CCDC158: variants seen among roughly 807,000 people sequenced by gnomAD.
CCDC158 encodes coiled-coil domain containing 158, also known as coiled-coil domain-containing protein 158.
A neutral mutation model predicts 138.6 loss-of-function variants in CCDC158; 116 were observed. The ratio of observed to expected loss-of-function variants is 0.84; its 90% CI spans 0.72 to 0.98. The LOEUF is 0.98. Among genes scored for constraint, CCDC158 ranks in the 50% least tolerant of loss-of-function variants. The pLI, the probability that CCDC158 is intolerant of heterozygous loss-of-function variation, is 0.00. For synonymous variants in CCDC158, 436 were observed against 442.4 expected, an observed-to-expected ratio of 0.99 and a Z score of 0.18; for missense variants, 1,265 against 1,306.1, an observed-to-expected ratio of 0.97 and a Z score of 0.48.
At chr4:76,420,577 C>G (rs1730033746) in intron 1 of CCDC158, among the ~76,000 whole-genome samples, 1 of 152,200 alleles carries the variant, frequency 6.6e-6, no homozygotes, top group Non-Finnish European at 1.5e-5. Context: ...AACACCATTC[C>G]GTCTTGGATG....
chr4:76,318,271 T>A (rs1457401766), intron 24 of CCDC158, among the ~76,000 whole-genome samples: 2 of 152,052 alleles, frequency 1.3e-5, no homozygotes, highest in Admixed American at 6.5e-5. Flanking sequence ...TTAGTGAGAT[T>A]AACCAAGAAA....
At chr4:76,340,303 CAA>C (rs1721930267) in intron 18 of CCDC158, among the ~76,000 whole-genome samples, 3 of 152,198 alleles carry the variant, frequency 2.0e-5, no homozygotes, top group Non-Finnish European at 4.4e-5. Flanking sequence ...TCTCAGCTTT[CAA>C]AAGAGTTTAA....
intron 4 of CCDC158, among the ~76,000 whole-genome samples, chr4:76,391,804 T>G (rs1442700683): frequency 6.6e-6 from 1 of 151,208 alleles, no homozygotes; most frequent in African/African-American, 2.4e-5. Flanking sequence ...AAGACCCAAA[T>G]AAATAAAATC....
intron 4 of CCDC158, among the ~76,000 whole-genome samples, chr4:76,393,078 A>T (rs932382593): frequency 4.6e-5 from 7 of 152,090 alleles, no homozygotes; most frequent in Admixed American, 2.6e-4. Context: ...TACAGATTCA[A>T]TGCAATCCCT....
At chr4:76,372,131 T>C (rs1209033089) in intron 9 of CCDC158, among the ~76,000 whole-genome samples, 3 of 152,154 alleles carry the variant, frequency 2.0e-5, no homozygotes, top group Admixed American at 6.5e-5. Context: ...TGTGAAGACA[T>C]GTTCTATAAT....
intron 17 of CCDC158, 73 bp from the exon 18 acceptor site, chr4:76,351,194 A>AT: frequency 7.0e-7 from 1 of 1,420,464 alleles, no homozygotes; most frequent in Non-Finnish European, 9.5e-7. Flanking sequence ...ATCAAAATGT[A>AT]TTTTTTGATT....
chr4:76,327,366 T>A (rs1161098294), intron 22 of CCDC158, among the ~76,000 whole-genome samples: 3 of 152,176 alleles, frequency 2.0e-5, no homozygotes, highest in Non-Finnish European at 4.4e-5. Flanking sequence ...ACAATGGGGA[T>A]ATGTTCTGAG....
intron 2 of CCDC158, among the ~76,000 whole-genome samples, chr4:76,408,135 T>C (rs1728982206): frequency 6.6e-6 from 1 of 150,874 alleles, no homozygotes; most frequent in Non-Finnish European, 1.5e-5. Flanking sequence ...ATAAGCAGTG[T>C]GCCCAGAGTA....
chr4:76,333,743 TTTGAGAATTAAAA>T (rs1225646581), intron 19 of CCDC158, among the ~76,000 whole-genome samples: 2 of 152,344 alleles, frequency 1.3e-5, no homozygotes, highest in South Asian at 2.1e-4. Flanking sequence ...TATAAAATCT[TTTGAGAATTAAAA>T]TTTACAAACA....
intron 4 of CCDC158, among the ~76,000 whole-genome samples, chr4:76,393,065 A>G (rs1043395891): frequency 1.3e-5 from 2 of 152,108 alleles, no homozygotes; most frequent in African/African-American, 4.8e-5. Flanking sequence ...ATCCAAAGCA[A>G]TCTACAGATT....
At chr4:76,338,952 C>T (rs541755253) in intron 18 of CCDC158, among the ~76,000 whole-genome samples, 22 of 152,226 alleles carry the variant, frequency 1.4e-4, no homozygotes, top group African/African-American at 5.1e-4. Context: ...AAGAAAGCTG[C>T]ATTGAAAAGA....
Position 76,369,215 on chromosome 4 carries a change from A to AAAATAAAT in CCDC158, c.1347+203_1347+210dup, listed in dbSNP as rs373989037. On this transcript the variant is annotated intron_variant, in intron 11 of 24. Transcript: ENST00000682701. ...GGGTGACAGAGGAAGACGCCATCTA[A>AAAATAAAT]AAATAAATAAATAAATAAATAAACA... 1.6e-3 allele frequency among the ~76,000 whole-genome samples: 238 copies of AAAATAAAT among 152,082 alleles called. 2 individuals are homozygous for AAAATAAAT. Among genetic ancestry groups the AAAATAAAT allele is most frequent in the African/African-American group, 5.4e-3 (225 of 41,352 alleles).
chr4:76,412,473 T>G (rs1384422393), intron 1 of CCDC158, among the ~76,000 whole-genome samples: 4 of 152,026 alleles, frequency 2.6e-5, no homozygotes, highest in Non-Finnish European at 5.9e-5. Context: ...AAAAATAGCC[T>G]ATAGTGGCCG....
At chr4:76,322,926 CT>C (rs1330491479) in intron 24 of CCDC158, among the ~76,000 whole-genome samples, 1 of 152,122 alleles carries the variant, frequency 6.6e-6, no homozygotes, top group African/African-American at 2.4e-5. Flanking sequence ...TGCTTTCTTG[CT>C]ATTGACTATA....
In CCDC158 at chr4:76,371,528, C is replaced by G; in HGVS notation, c.1038G>C (p.Glu346Asp). Residue 346 changes from glutamate to aspartate, a missense_variant, in exon 10 of 25, where the codon GAG becomes GAC. Transcript: ENST00000682701. The stretch of plus-strand genomic sequence containing the variant: ...TGGCAAGGACTAACTGCTTTTCCAG[C>G]TCTTCTGTCTGAAAGGAAAGTACAA... ...AKRMYEDKTE[E>D]LEKQLVLANS... The G allele has an allele frequency of 6.2e-7, 1 of 1,614,142 alleles. No homozygotes were observed. Among genetic ancestry groups the G allele is most frequent in the Non-Finnish European group, 8.5e-7 (1 of 1,180,002 alleles).
intron 4 of CCDC158, among the ~76,000 whole-genome samples, chr4:76,387,031 C>T (rs1726861623): frequency 6.6e-6 from 1 of 152,256 alleles, no homozygotes; most frequent in East Asian, 1.9e-4. Flanking sequence ...ATTCCTAGTG[C>T]TAGGCTGGGC....
intron 9 of CCDC158, chr4:76,375,210 T>C (rs1579013786): frequency 3.9e-6 from 1 of 253,660 alleles, no homozygotes; most frequent in East Asian, 7.0e-5. Context: ...TATTTTTACG[T>C]AGTAGCACTG....
At position 76,328,953 on chromosome 4, in the gene CCDC158, A is replaced by C; in HGVS notation, c.2957T>G (p.Leu986Ter). 6.2e-7 allele frequency: 1 copy of C among 1,613,736 alleles called. No homozygotes were observed. Among genetic ancestry groups the C allele is most frequent in the Non-Finnish European group, 8.5e-7 (1 of 1,179,640 alleles). Residue 986 changes from leucine (L) to a stop codon, truncating the protein, a stop_gained, in exon 22 of 25, where the codon TTA (leucine) becomes TGA (stop). Transcript: ENST00000682701. LOFTEE classifies it high-confidence loss of function. ...SETLSREPVT[L>*]HAGDREDPSG... ...GGGATCTTCCCTGTCTCCTGCGTGT[A>C]ATGTGACTGGCTCTCTGGAAGCATA...
At chr4:76,361,426 G>A (rs1253880121) in intron 13 of CCDC158, among the ~76,000 whole-genome samples, 7 of 152,208 alleles carry the variant, frequency 4.6e-5, no homozygotes, top group African/African-American at 2.4e-5. Flanking sequence ...GCCAGGCGTG[G>A]TGGTGGGCGC....
Sources: allele counts gnomAD v4.1 joint callset (sites outside exome capture counted in the v4.1 genomes callset), GRCh38; gene constraint gnomAD v4.1.1; transcripts MANE v1.5; gene names NCBI Gene and HGNC (gene_info 2026-07-23, HGNC 2026-07-21).